ARHGAP39: variants seen among roughly 807,000 people sequenced by gnomAD.
ARHGAP39 encodes Rho GTPase activating protein 39.
Under a neutral mutation model 106.9 loss-of-function variants are expected in ARHGAP39, and 44 were observed. The observed-to-expected ratio is 0.41, with a 90% CI of 0.32 to 0.53. ARHGAP39 has a LOEUF of 0.53. Ranked by LOEUF, ARHGAP39 falls within the 20% of genes least tolerant of loss-of-function variation. ARHGAP39 has a pLI of 0.21. For missense variants in ARHGAP39, 1,496 were observed against 1,577.3 expected, an observed-to-expected ratio of 0.95 and a Z score of 0.87; for synonymous variants, 768 against 693.2, an observed-to-expected ratio of 1.11 and a Z score of -1.69.
chr8:144,598,207 G>A (rs1351533305), intron 2 of ARHGAP39, among the ~76,000 whole-genome samples: 1 of 152,224 alleles, frequency 6.6e-6, no homozygotes, highest in African/African-American at 2.4e-5. Flanking sequence ...CCCAGCCGTG[G>A]GCCTTTCCGC....
chr8:144,568,123 G>A (rs1030623847), intron 3 of ARHGAP39, among the ~76,000 whole-genome samples: 1 of 152,088 alleles, frequency 6.6e-6, no homozygotes, highest in Non-Finnish European at 1.5e-5. Flanking sequence ...CCTGAGGTCA[G>A]GAGTTTGAGA....
chr8:144,667,710 C>T (rs896147356), intron 1 of ARHGAP39, among the ~76,000 whole-genome samples: 6 of 152,234 alleles, frequency 3.9e-5, no homozygotes, highest in Admixed American at 6.5e-5. Context: ...GCTCCGCCTA[C>T]TAGTTGTGTG....
intron 1 of ARHGAP39, among the ~76,000 whole-genome samples, chr8:144,619,477 CCT>C (rs751200660): frequency 1.3e-4 from 19 of 150,802 alleles, no homozygotes; most frequent in Admixed American, 9.9e-4. Context: ...CTCGTGTGTC[CCT>C]GAGAGACCGT....
In ARHGAP39 at chr8:144,675,984, C is replaced by G. The variant is rs144415848; in HGVS notation, c.-82+9702G>C. On this transcript the variant is annotated intron_variant, in intron 1 of 11. Transcript: ENST00000377307. Reference sequence around the variant, plus strand: ...CTCCCGTCAGGAGTTGTTCTTCCCTCCCAGTGGGTTCATGGTCTCGCTGGC... The same window carrying G: ...CTCCCGTCAGGAGTTGTTCTTCCCTGCCAGTGGGTTCATGGTCTCGCTGGC... 1.6e-4 allele frequency among the ~76,000 whole-genome samples: 24 copies of G among 146,700 alleles called. 1 individual carries two copies. The highest frequency in any genetic ancestry group is 5.8e-4 in the African/African-American group (23 of 39,580).
intron 4 of ARHGAP39, among the ~76,000 whole-genome samples, chr8:144,553,132 G>A (rs1009989849): frequency 3.9e-5 from 6 of 152,206 alleles, no homozygotes; most frequent in Admixed American, 1.3e-4. Flanking sequence ...CACTCCTGGT[G>A]GGAGTCCAGG....
intron 1 of ARHGAP39, among the ~76,000 whole-genome samples, chr8:144,620,198 CGTGTGTGAGCCTGTGTCCCTGAGAAA>C (rs1463531988): frequency 7.5e-6 from 1 of 133,448 alleles, no homozygotes; most frequent in Non-Finnish European, 1.6e-5. Flanking sequence ...CGTGTGTGCC[CGTGTGTGAGCCTGTGTCCCTGAGAAA>C]GTGTGTGTGC....
chr8:144,597,291 C>T (rs1338048983), intron 2 of ARHGAP39, among the ~76,000 whole-genome samples: 3 of 152,242 alleles, frequency 2.0e-5, no homozygotes, highest in Admixed American at 1.3e-4. Flanking sequence ...CCAGGACACT[C>T]TGCACCAGCA....
At chr8:144,575,340 T>C (rs1235466090) in intron 3 of ARHGAP39, among the ~76,000 whole-genome samples, 1 of 152,248 alleles carries the variant, frequency 6.6e-6, no homozygotes, top group African/African-American at 2.4e-5. Context: ...TTTATAACCT[T>C]TTTAGTTTCT....
chr8:144,613,541 C>T (rs553021551), intron 1 of ARHGAP39, among the ~76,000 whole-genome samples: 3 of 150,860 alleles, frequency 2.0e-5, no homozygotes, highest in East Asian at 1.9e-4. Context: ...CCATTGTCTT[C>T]GCACTTGCAT....
At chr8:144,582,291 T>C (rs976653212) in intron 2 of ARHGAP39, among the ~76,000 whole-genome samples, 2 of 152,110 alleles carry the variant, frequency 1.3e-5, no homozygotes, top group Non-Finnish European at 2.9e-5. Context: ...TCATCCCACG[T>C]CCCACCCTTT....
upstream of ARHGAP39, among the ~76,000 whole-genome samples, chr8:144,687,869 G>A (rs556848036): frequency 3.1e-5 from 4 of 129,400 alleles, no homozygotes; most frequent in East Asian, 2.6e-4. Flanking sequence ...TTCCCACCCC[G>A]TGACCACACA....
intron 1 of ARHGAP39, among the ~76,000 whole-genome samples, chr8:144,618,793 C>A (rs958088958): frequency 9.2e-5 from 14 of 152,242 alleles, no homozygotes; most frequent in African/African-American, 3.4e-4. Context: ...GCTGGGGCCT[C>A]CCCAGCCCCC....
rs528748576 is a variant in ARHGAP39, at chr8:144,631,637, G to A, written c.-81-25942C>T. ...TCGAGGTGGATGGGGCCAAGTCAGT[G>A]CAGTGCAGCTGGGCCATCTGTCGGG... On this transcript the variant is annotated intron_variant, in intron 1 of 11. Coordinates refer to ENST00000377307, the MANE Select transcript of ARHGAP39 (RefSeq NM_025251.3). Among the ~76,000 whole-genome samples the A allele has an allele frequency of 2.0e-5, 3 of 152,330 alleles. No homozygotes were observed. In the South Asian group the frequency reaches 6.2e-4, roughly 32 times the overall value.
intron 1 of ARHGAP39, among the ~76,000 whole-genome samples, chr8:144,616,407 T>A (rs1349322272): frequency 6.6e-6 from 1 of 152,208 alleles, no homozygotes; most frequent in Non-Finnish European, 1.5e-5. Context: ...AGAAAACCCA[T>A]GGAAGGGCTT....
chr8:144,688,872 G>A (rs1193523579), upstream of ARHGAP39, among the ~76,000 whole-genome samples: 3 of 152,158 alleles, frequency 2.0e-5, no homozygotes, highest in Admixed American at 6.5e-5. Flanking sequence ...TTTGAGGACT[G>A]TAACAACATA....
intron 2 of ARHGAP39, among the ~76,000 whole-genome samples, chr8:144,593,009 TA>T (rs1039493961): frequency 2.0e-5 from 3 of 152,150 alleles, no homozygotes; most frequent in African/African-American, 7.2e-5. Flanking sequence ...CAACAGTATT[TA>T]AAATGAAGTG....
upstream of ARHGAP39, among the ~76,000 whole-genome samples, chr8:144,688,757 A>G (rs1822685625): frequency 1.3e-5 from 2 of 152,208 alleles, no homozygotes; most frequent in Admixed American, 1.3e-4. Context: ...ATGGAGGAAC[A>G]TAGCACGCTC....
chr8:144,689,510 C>T (rs1201936137), upstream of ARHGAP39, among the ~76,000 whole-genome samples: 2 of 131,790 alleles, frequency 1.5e-5, no homozygotes, highest in Non-Finnish European at 3.1e-5. Flanking sequence ...GATCTTGGCT[C>T]ACTGCAACTT....
In ARHGAP39 at chr8:144,530,404, T is replaced by C; in HGVS notation, c.*18A>G. ...GCTGGGGGCGGCAGGACATCCCTCCTGTCCCCGGGCGCCCCCGCTACAGCA... is the reference window on the plus strand; with the variant it reads ...GCTGGGGGCGGCAGGACATCCCTCCCGTCCCCGGGCGCCCCCGCTACAGCA... On this transcript the variant is annotated 3_prime_UTR_variant, in exon 12 of 12. Transcript: ENST00000377307. 1.3e-6 allele frequency: 2 copies of C among 1,578,940 alleles called. No homozygotes were observed. Among genetic ancestry groups the C allele is most frequent in the Non-Finnish European group, 1.7e-6 (2 of 1,159,746 alleles).
Sources: allele counts gnomAD v4.1 joint callset (sites outside exome capture counted in the v4.1 genomes callset), GRCh38; gene constraint gnomAD v4.1.1; transcripts MANE v1.5; gene names NCBI Gene and HGNC (gene_info 2026-07-23, HGNC 2026-07-21).